The following VPS13B variants were observed in gnomAD, a reference collection of about 807,000 sequenced individuals.
VPS13B encodes the protein intermembrane lipid transfer protein VPS13B.
In VPS13B, 285 loss-of-function variants were observed where a neutral mutation model predicts 426.4. That is an observed-to-expected ratio of 0.67 (90% CI 0.61 to 0.74). VPS13B has a LOEUF of 0.74. Ranked by LOEUF, VPS13B falls within the 30% of genes least tolerant of loss-of-function variation. The pLI is 0.00. For synonymous variants in VPS13B, 1,676 were observed against 1,676.4 expected (o/e 1.00, Z 0.01); for missense variants, 4,537 against 4,782.6 (o/e 0.95, Z 1.51).
intron 7 of VPS13B, among the ~76,000 whole-genome samples, chr8:99,116,712 G>A (rs1180095504): frequency 6.6e-6 from 1 of 152,162 alleles, no homozygotes; most frequent in South Asian, 2.1e-4. Flanking sequence ...GGGATTACAG[G>A]CATGAGCCAC....
chr8:99,276,648 A>C (rs181833775), intron 19 of VPS13B, among the ~76,000 whole-genome samples: 57 of 152,292 alleles, frequency 3.7e-4, no homozygotes, highest in African/African-American at 1.3e-3. Flanking sequence ...GATTTGGCCT[A>C]TGTGGTTTGT....
chr8:99,220,008 C>G (rs1028841837), intron 17 of VPS13B, among the ~76,000 whole-genome samples: 3 of 152,242 alleles, frequency 2.0e-5, no homozygotes, highest in East Asian at 3.9e-4. Flanking sequence ...TTGGGCAAAT[C>G]AGAATTTTTT....
At chr8:99,417,678 C>T (rs1816104258) in intron 21 of VPS13B, among the ~76,000 whole-genome samples, 1 of 152,084 alleles carries the variant, frequency 6.6e-6, no homozygotes, top group South Asian at 2.1e-4. Context: ...CATATCTTTA[C>T]TTTGCTATTT....
rs527797765 is a variant in VPS13B at position 99,506,446 on chromosome 8, G to A, written c.4158-691G>A. 5.9e-5 allele frequency among the ~76,000 whole-genome samples: 9 copies of A among 152,184 alleles called. No individual in the cohort carries two copies. The East Asian group carries it at 9.6e-4, about 16-fold the overall frequency. ...GTTGTACTTTATCCCTGACTGTACC[G>A]CTAAATTTATATAAATTATAGATAT... is the stretch of plus-strand genomic sequence containing the variant. On this transcript the variant is annotated intron_variant, in intron 27 of 61. Coordinates refer to ENST00000357162, the MANE Select transcript of VPS13B (RefSeq NM_152564.5).
At chr8:99,137,035 A>G (rs1402725625) in intron 12 of VPS13B, among the ~76,000 whole-genome samples, 3 of 152,172 alleles carry the variant, frequency 2.0e-5, no homozygotes, top group African/African-American at 7.2e-5. Flanking sequence ...ATTTTATATT[A>G]CATTAAATTT....
At chr8:99,570,418 A>G (rs1825414275) in intron 31 of VPS13B, among the ~76,000 whole-genome samples, 2 of 152,054 alleles carry the variant, frequency 1.3e-5, no homozygotes, top group Admixed American at 6.5e-5. Context: ...ATTTTCTCAA[A>G]TCTATATTCT....
chr8:99,809,428 C>CA lies in VPS13B; in HGVS notation c.7996dup (p.Ser2666LysfsTer10). On this transcript the variant is annotated frameshift_variant, in exon 44 of 62. Coordinates refer to ENST00000357162, the MANE Select transcript of VPS13B (RefSeq NM_152564.5). LOFTEE classifies it high-confidence loss of function. ...GCAACTGGCGTTGGTCAGAGCCTTT[C>CA]AGTGTGGACCATGCCGGGACTTTTA... is the stretch of plus-strand genomic sequence containing the variant. The CA allele has an allele frequency of 6.2e-7, 1 of 1,614,000 alleles. No homozygotes were observed. Among genetic ancestry groups the CA allele is most frequent in the Non-Finnish European group, 8.5e-7 (1 of 1,179,962 alleles).
At chr8:99,732,292 A>G (rs1833639541) in intron 39 of VPS13B, among the ~76,000 whole-genome samples, 1 of 152,294 alleles carries the variant, frequency 6.6e-6, no homozygotes, top group South Asian at 2.1e-4. Flanking sequence ...TTCCTGCTGT[A>G]TGCTACTCTG....
chr8:99,421,203 A>C (rs1237529239), intron 21 of VPS13B, among the ~76,000 whole-genome samples: 2 of 152,172 alleles, frequency 1.3e-5, no homozygotes, highest in Non-Finnish European at 2.9e-5. Flanking sequence ...TACCAAGTTG[A>C]ATGGTTCATC....
In VPS13B at chr8:99,717,156, G is replaced by A. The variant is rs749278246; in HGVS notation, c.6455-15G>A. Reference sequence around the variant, plus strand: ...ATAAGGATGAATTATATACTCTTCTGTATTTTTTTTTCAGGCATAATTCTT... The same window carrying A: ...ATAAGGATGAATTATATACTCTTCTATATTTTTTTTTCAGGCATAATTCTT... On this transcript the variant is annotated splice_polypyrimidine_tract_variant and intron_variant, in intron 36 of 61. Coordinates refer to ENST00000357162, the MANE Select transcript of VPS13B (RefSeq NM_152564.5). 6 of 1,596,808 alleles carry A rather than the reference G, an allele frequency of 3.8e-6. No individual in the cohort carries two copies. The highest frequency in any genetic ancestry group is 1.7e-5 in the Admixed American group (1 of 59,792).
At chr8:99,222,859 T>TA (rs1815802460) in intron 17 of VPS13B, among the ~76,000 whole-genome samples, 2 of 152,276 alleles carry the variant, frequency 1.3e-5, no homozygotes, top group South Asian at 4.2e-4. Flanking sequence ...ATTTTTGAGA[T>TA]AGAGTCTTAC....
chr8:99,811,511 A>C (rs1185458970), intron 44 of VPS13B, among the ~76,000 whole-genome samples: 4 of 152,074 alleles, frequency 2.6e-5, no homozygotes, highest in Non-Finnish European at 5.9e-5. Context: ...TGTAATTTGC[A>C]TTTCTAACAA....
chr8:99,760,557 A>T (rs1810878495), intron 39 of VPS13B, among the ~76,000 whole-genome samples: 1 of 151,956 alleles, frequency 6.6e-6, no homozygotes, highest in South Asian at 2.1e-4. Context: ...TTTTTTTTGT[A>T]GGATGGAGAA....
chr8:99,579,396 A>AT lies in VPS13B; in HGVS notation c.5220+1772dup, dbSNP rs201337058. Among the ~76,000 whole-genome samples, 73 of 151,506 alleles carry AT rather than the reference A, an allele frequency of 4.8e-4. 1 individual carries two copies. The East Asian group carries it at 0.014, about 29-fold the overall frequency. On this transcript the variant is annotated intron_variant, in intron 33 of 61. Coordinates refer to ENST00000357162, the MANE Select transcript of VPS13B (RefSeq NM_152564.5). ...GTGGTTTCACAACAACACTACCAGA[A>AT]TTTTTTTTTCTTTTTTTTTGAGATG...
intron 4 of VPS13B, 26 bp from the exon 5 acceptor site, chr8:99,102,923 CTAAT>C (rs772120108): frequency 1.5e-4 from 225 of 1,544,918 alleles, no homozygotes; most frequent in Admixed American, 2.5e-4. Context: ...AGATTTGTGG[CTAAT>C]TAAATTCTTT....
intron 50 of VPS13B, among the ~76,000 whole-genome samples, chr8:99,822,551 A>G (rs1398364385): frequency 1.3e-5 from 2 of 152,232 alleles, no homozygotes; most frequent in East Asian, 3.8e-4. Flanking sequence ...TATTCAGTCA[A>G]CACCCAATAC....
chr8:99,051,460 G>A (rs1043916536), intron 3 of VPS13B, among the ~76,000 whole-genome samples: 2 of 151,562 alleles, frequency 1.3e-5, no homozygotes, highest in African/African-American at 4.9e-5. Flanking sequence ...AAGTCAGGTA[G>A]CATGATGCCT....
intron 19 of VPS13B, among the ~76,000 whole-genome samples, chr8:99,311,876 T>G (rs994534018): frequency 6.6e-6 from 1 of 152,216 alleles, no homozygotes; most frequent in African/African-American, 2.4e-5. Context: ...CATATATGAT[T>G]AGGGTAGTTT....
intron 35 of VPS13B, among the ~76,000 whole-genome samples, chr8:99,678,927 T>C (rs1257157181): frequency 6.6e-6 from 1 of 152,184 alleles, no homozygotes; most frequent in Non-Finnish European, 1.5e-5. Flanking sequence ...TGTTGTTTGA[T>C]ATTATTTTGA....
Sources: allele counts gnomAD v4.1 joint callset (sites outside exome capture counted in the v4.1 genomes callset), GRCh38; gene constraint gnomAD v4.1.1; transcripts MANE v1.5; gene names NCBI Gene and HGNC (gene_info 2026-07-23, HGNC 2026-07-21).